The following PNISR variants were observed in gnomAD, a reference collection of about 807,000 sequenced individuals.
The protein encoded by PNISR is arginine/serine-rich protein PNISR.
PNISR carries 20 observed loss-of-function variants against 93.4 expected under a neutral mutation model. The ratio of observed to expected loss-of-function variants is 0.21; its 90% CI spans 0.15 to 0.31. The LOEUF is 0.31. PNISR is among the 10% of genes least tolerant of loss of function. The pLI is 1.00. For synonymous variants in PNISR, 305 were observed against 306.5 expected (o/e 0.99, Z 0.05); for missense variants, 893 against 985.4 (o/e 0.91, Z 1.25).
chr6:99,405,564 TTTTC>T (rs1229756595), intron 8 of PNISR, among the ~76,000 whole-genome samples: 2 of 152,198 alleles, frequency 1.3e-5, no homozygotes, highest in East Asian at 1.9e-4. Context: ...CAAAACACTT[TTTTC>T]TTTCTTTTTT....
intron 2 of PNISR, 31 bp downstream of exon 2, chr6:99,416,318 A>C: frequency 2.9e-6 from 2 of 694,100 alleles, no homozygotes; most frequent in Non-Finnish European, 4.0e-6. Flanking sequence ...GGAAACACCA[A>C]GAAGACACAC....
At chr6:99,405,235 T>C (rs1582777939) in intron 8 of PNISR, among the ~76,000 whole-genome samples, 1 of 151,964 alleles carries the variant, frequency 6.6e-6, no homozygotes, top group East Asian at 1.9e-4. Flanking sequence ...GAGGCCGAGG[T>C]GGGCGGATCA....
chr6:99,424,411 T>TAA (rs36093339), intron 1 of PNISR, among the ~76,000 whole-genome samples: 42 of 148,332 alleles, frequency 2.8e-4, no homozygotes, highest in South Asian at 8.4e-4. Context: ...ATTAGTAAGT[T>TAA]AAAAAAAAAA....
At chr6:99,414,151 C>T (rs1013257151) in intron 3 of PNISR, among the ~76,000 whole-genome samples, 1 of 152,158 alleles carries the variant, frequency 6.6e-6, no homozygotes, top group Non-Finnish European at 1.5e-5. Flanking sequence ...CAAGGGCTCC[C>T]TATACTCTTC....
rs142818634 is a variant in PNISR, at chr6:99,408,036, A to T, written c.864+45T>A. The T allele has an allele frequency of 2.8e-4, 395 of 1,429,478 alleles. 1 individual carries two copies. In the African/African-American group the frequency reaches 4.6e-3, roughly 17 times the overall value. 88.5% of individuals were successfully genotyped at this position (1,429,478 alleles called of 1,614,324 possible). On this transcript the variant is annotated intron_variant, in intron 7 of 11. Coordinates refer to ENST00000369239, the MANE Select transcript of PNISR (RefSeq NM_032870.4). The stretch of plus-strand genomic sequence containing the variant: ...ATCTATTTCAGTAAAGTTTTCACAC[A>T]ACCAAGATTTTCACATGGAGTTTCA...
intron 3 of PNISR, 83 bp downstream of exon 3, chr6:99,414,489 C>T (rs1032892116): frequency 1.5e-6 from 1 of 652,204 alleles, no homozygotes; most frequent in African/African-American, 1.8e-5. Flanking sequence ...ATCTCAATTC[C>T]ATATCCCTTA....
At chr6:99,417,981 A>G (rs1777952190) in intron 1 of PNISR, among the ~76,000 whole-genome samples, 1 of 151,566 alleles carries the variant, frequency 6.6e-6, no homozygotes. Flanking sequence ...AAAAAAAAAA[A>G]AAAAAAAAGT....
Position 99,401,466 on chromosome 6 carries a change from CT to C in PNISR, c.1491del (p.Glu498SerfsTer85), listed in dbSNP as rs1401239378. ...CCTTGTTTTTCTTTTTCTTTATGCT[CT>C]TTTTTTGGTTCTAAAACTGATGTGG... ...NETTSVLEPK[K>X]EHKEKEKQGR... On this transcript the variant is annotated frameshift_variant, in exon 12 of 12. Coordinates refer to ENST00000369239, the MANE Select transcript of PNISR (RefSeq NM_032870.4). LOFTEE classifies it high-confidence loss of function. 3 of 1,611,040 alleles carry C rather than the reference CT, an allele frequency of 1.9e-6. No homozygotes were observed. In the South Asian group the frequency reaches 3.3e-5, roughly 18 times the overall value.
chr6:99,419,180 A>AAAAAAAAAAAAAAAAAAAAAC (rs1778191190), intron 1 of PNISR, among the ~76,000 whole-genome samples: 1 of 91,210 alleles, frequency 1.1e-5, no homozygotes, highest in Non-Finnish European at 2.3e-5. Context: ...AAAAAAAAAA[A>AAAAAAAAAAAAAAAAAAAAAC]AAAAAAAAAA....
chr6:99,408,052 T>C, intron 7 of PNISR, 29 bp downstream of exon 7: 1 of 1,506,812 alleles, frequency 6.6e-7, no homozygotes, highest in South Asian at 1.2e-5. Flanking sequence ...GATTTTCACA[T>C]GGAGTTTCAT....
intron 6 of PNISR, among the ~76,000 whole-genome samples, 164 bp downstream of exon 6, chr6:99,409,009 C>T (rs1275547676): frequency 1.3e-5 from 2 of 152,130 alleles, no homozygotes; most frequent in Non-Finnish European, 2.9e-5. Context: ...TAATTTCAGA[C>T]CAGTATCATT....
chr6:99,413,212 ACT>A (rs1200212181), intron 3 of PNISR, among the ~76,000 whole-genome samples: 6 of 151,944 alleles, frequency 3.9e-5, no homozygotes, highest in African/African-American at 1.4e-4. Flanking sequence ...CAGCTACCTA[ACT>A]CTGTTTTTCC....
At chr6:99,402,219 G>A (rs1775594539) in intron 11 of PNISR, among the ~76,000 whole-genome samples, 1 of 152,006 alleles carries the variant, frequency 6.6e-6, no homozygotes, top group Admixed American at 6.6e-5. Context: ...AAAACTTCTA[G>A]GTTCTCTATT....
At position 99,400,604 on chromosome 6, in the gene PNISR, T is replaced by G. The variant is rs771260062; in HGVS notation, c.2354A>C (p.Glu785Ala). 1 of 1,614,120 alleles carries G rather than the reference T, an allele frequency of 6.2e-7. No homozygotes were observed. The highest frequency in any genetic ancestry group is 1.1e-5 in the South Asian group (1 of 91,076). The change falls in exon 12 of 12, where the codon GAG becomes GCG. Residue 785 changes from glutamate (E) to alanine (A), a missense_variant. Glu to Ala is a moderately radical substitution (Grantham distance 107, BLOSUM62 -1). Transcript: ENST00000369239. Reference sequence around the variant, plus strand: ...CTTCTTACCAGACCTTTGAGATTTCTCCACGGATCGCGATCGACTATGTTT... The same window carrying G: ...CTTCTTACCAGACCTTTGAGATTTCGCCACGGATCGCGATCGACTATGTTT... ...KPKHSRSRSV[E>A]KSQRSGKKAS...
intron 3 of PNISR, among the ~76,000 whole-genome samples, chr6:99,414,239 A>AT (rs1296384767): frequency 6.6e-6 from 1 of 152,230 alleles, no homozygotes; most frequent in African/African-American, 2.4e-5. Context: ...CCAGTTCAAT[A>AT]TAATATACAA....
chr6:99,413,840 C>T (rs2128489398), intron 3 of PNISR, among the ~76,000 whole-genome samples: 1 of 152,252 alleles, frequency 6.6e-6, no homozygotes, highest in African/African-American at 2.4e-5. Context: ...TGGCAATGTG[C>T]ACCTGAAATT....
rs2128476427 is a variant in PNISR, at chr6:99,399,248, A to T, written c.*1292T>A. On this transcript the variant is annotated 3_prime_UTR_variant, in exon 12 of 12. Coordinates refer to ENST00000369239, the MANE Select transcript of PNISR (RefSeq NM_032870.4). ...CACTGAGTAAGTGATTACATAAAAA[A>T]ATGGACCCTAAAGCAACTGAGTTAA... is the stretch of plus-strand genomic sequence containing the variant. The T allele has an allele frequency of 6.6e-6, 1 of 152,276 alleles. No homozygotes were observed. Among genetic ancestry groups the T allele is most frequent in the African/African-American group, 2.4e-5 (1 of 41,584 alleles). The allele number at this position is 152,276 out of a possible 1,614,324, so 9.4% of individuals were successfully genotyped here.
At chr6:99,409,128 A>G (rs776818861) in intron 6 of PNISR, 45 bp downstream of exon 6, 1 of 1,488,836 alleles carries the variant, frequency 6.7e-7, no homozygotes, top group South Asian at 1.1e-5. Context: ...ATATGATAAA[A>G]AAGTCATGCC....
Position 99,409,299 on chromosome 6 carries a change from AAGG to A in PNISR, c.544_546del (p.Pro182del). 1 of 1,613,920 alleles carries A rather than the reference AAGG, an allele frequency of 6.2e-7. No homozygotes were observed. Among genetic ancestry groups the A allele is most frequent in the Non-Finnish European group, 8.5e-7 (1 of 1,179,952 alleles). ...GGTCCTGGAGGTCCTGGTTGCCAAT[AAGG>A]AGGATGAAATCCACCTTGCGGTGGA... On this transcript the variant is annotated inframe_deletion, in exon 6 of 12. Transcript: ENST00000369239.
Sources: gnomAD v4.1 joint callset for allele counts (sites outside exome capture counted in the v4.1 genomes callset) on GRCh38, gnomAD v4.1.1 for gene constraint, MANE v1.5 for transcripts, NCBI Gene and HGNC (gene_info 2026-07-23, HGNC 2026-07-21) for gene names.